SRRM2: variants seen among roughly 807,000 people sequenced by gnomAD.
SRRM2 encodes serine/arginine repetitive matrix protein 2.
In SRRM2, 30 loss-of-function variants were observed where a neutral mutation model predicts 213.8. The ratio of observed to expected loss-of-function variants is 0.14; its 90% CI spans 0.10 to 0.19. The LOEUF (loss-of-function observed/expected upper bound fraction) is 0.19, where lower values mean the gene tolerates loss of function less well. Ranked by LOEUF, SRRM2 falls within the 10% of genes least tolerant of loss-of-function variation. SRRM2 has a pLI of 1.00. For missense variants in SRRM2, 4,904 were observed against 3,647.0 expected (o/e 1.34, Z -8.88); for synonymous variants, 2,025 against 1,377.7 (o/e 1.47, Z -10.40).
In SRRM2 at chr16:2,758,708, C is replaced by T. The variant is rs1051175623; in HGVS notation, c.593+161C>T. The T allele has an allele frequency of 4.1e-5, 29 of 702,690 alleles. No homozygotes were observed. In the South Asian group the frequency reaches 5.3e-4, roughly 13 times the overall value. The allele number at this position is 702,690 out of a possible 1,614,324, so 43.5% of individuals were successfully genotyped here. A position where few individuals can be genotyped will look rare whatever the true frequency, so the allele number is the denominator to read the frequency against. On this transcript the variant is annotated intron_variant, in intron 5 of 14. Transcript: ENST00000301740. ...TCAACTAGAAGAAATACCTGAGTTT[C>T]TCAGTGGGGAAGTGTTGAGTTTGCA... is the stretch of plus-strand genomic sequence containing the variant.
rs2068554936 is a variant in SRRM2 at position 2,766,647 on chromosome 16, A to G, written c.6119A>G (p.Lys2040Arg). 2 of 1,611,838 alleles carry G rather than the reference A, an allele frequency of 1.2e-6. No homozygotes were observed. Among genetic ancestry groups the G allele is most frequent in the Admixed American group, 1.7e-5 (1 of 59,784 alleles). The change falls in exon 11 of 15, where the codon AAA becomes AGA. Residue 2040 changes from lysine to arginine, a missense_variant. By Grantham distance (26) the Lys-to-Arg change is conservative (BLOSUM62 2). Coordinates refer to ENST00000301740, the MANE Select transcript of SRRM2 (RefSeq NM_016333.4). The surrounding 1 kb of genome is among the most constrained non-coding windows in gnomAD (Gnocchi z 7.0). ...SRSRTPLLPRKRSRSRSPLAI... is the reference protein window; with the variant it reads ...SRSRTPLLPRRRSRSRSPLAI... ...TCTCGAACGCCACTGTTACCACGCA[A>G]ACGTTCTCGAAGTCGCTCACCACTT... is the stretch of plus-strand genomic sequence containing the variant.
At position 2,764,708 on chromosome 16, in the gene SRRM2, G is replaced by A; in HGVS notation, c.4180G>A (p.Ala1394Thr). Residue 1394 changes from alanine to threonine, a missense_variant, in exon 11 of 15, where the codon GCA (alanine) becomes ACA (threonine). By Grantham distance (58) the Ala-to-Thr change is moderately conservative (BLOSUM62 0). Coordinates refer to ENST00000301740, the MANE Select transcript of SRRM2 (RefSeq NM_016333.4). ...SELSPDAVEK[A>T]GMSSNQSISS... ...GTTATCCCCAGATGCAGTGGAAAAG[G>A]CAGGGATGTCTTCAAATCAGAGCAT... is the stretch of plus-strand genomic sequence containing the variant. The A allele has an allele frequency of 6.2e-7, 1 of 1,614,078 alleles. No individual in the cohort carries two copies. Among genetic ancestry groups the A allele is most frequent in the Non-Finnish European group, 8.5e-7 (1 of 1,180,030 alleles).
chr16:2,768,952 G>A, intron 11 of SRRM2, 45 bp from the exon 12 acceptor site: 4 of 1,605,208 alleles, frequency 2.5e-6, no homozygotes, highest in Non-Finnish European at 3.4e-6. Flanking sequence ...GTAGGGTTGG[G>A]GCTGGGGCAG....
chr16:2,753,672 CAG>C (rs2068029220), intron 1 of SRRM2: 1 of 152,220 alleles, frequency 6.6e-6, no homozygotes, highest in African/African-American at 2.4e-5. Context: ...CTTTGGCACA[CAG>C]CTCTTCTGAA....
chr16:2,769,480 C>T (rs1596295947), intron 12 of SRRM2, 196 bp downstream of exon 12: 12 of 658,120 alleles, frequency 1.8e-5, no homozygotes, highest in South Asian at 1.5e-4. Flanking sequence ...TCCACAGCGG[C>T]GCTCAGGCCA....
At position 2,767,683 on chromosome 16, in the gene SRRM2, G is replaced by T. The variant is rs143051290; in HGVS notation, c.7155G>T (p.Val2385=). ...GTGCAAACCTCACCAGCCCCAGGGT[G>T]CCCCTTTCTGCCTACGAGCGTGTCA... ...LSGANLTSPR[V]PLSAYERVSG... The change falls in exon 11 of 15, where the codon GTG becomes GTT. Residue 2385 remains valine, a synonymous_variant. Transcript: ENST00000301740. 1.0e-4 allele frequency: 161 copies of T among 1,613,980 alleles called. 1 individual carries two copies. The African/African-American group carries it at 1.9e-3, about 19-fold the overall frequency.
chr16:2,759,975 C>A, intron 9 of SRRM2: 1 of 524,968 alleles, frequency 1.9e-6, no homozygotes, highest in Non-Finnish European at 3.4e-6. Context: ...CTTCCTTAAT[C>A]GGGGAAGGCT....
At chr16:2,769,366 G>T (rs1339721102) in intron 12 of SRRM2, 82 bp downstream of exon 12, 18 of 1,450,562 alleles carry the variant, frequency 1.2e-5, no homozygotes, top group Non-Finnish European at 1.7e-5. Context: ...TGAGCTCCCC[G>T]CTGGGTGTCT....
rs1213864257 is a variant in SRRM2, at chr16:2,760,381, A to T, written c.914A>T (p.Glu305Val). The change falls in exon 10 of 15, where the codon GAG (glutamate) becomes GTG (valine). Residue 305 changes from glutamate (E) to valine (V), a missense_variant. Glu to Val is a moderately radical substitution (Grantham distance 121). Coordinates refer to ENST00000301740, the MANE Select transcript of SRRM2 (RefSeq NM_016333.4). ...SPSPASGRRG[E>V]GDAPFSEPGT... ...TCCCCTGCTTCAGGGCGACGCGGGG[A>T]GGGAGATGCGCCTTTCAGTGAACCA... The T allele has an allele frequency of 6.2e-7, 1 of 1,613,916 alleles. No individual in the cohort carries two copies. The highest frequency in any genetic ancestry group is 2.2e-5 in the East Asian group (1 of 44,886).
Position 2,766,201 on chromosome 16 carries a change from A to C in SRRM2, c.5673A>C (p.Arg1891=). 6.2e-7 allele frequency: 1 copy of C among 1,614,058 alleles called. No individual in the cohort carries two copies. The highest frequency in any genetic ancestry group is 8.5e-7 in the Non-Finnish European group (1 of 1,180,006). ...PLISRRRSRS[R]TSPVSRRRSR... ...TAAGCCGACGTAGGTCCAGATCTCG[A>C]ACTTCACCAGTCAGCCGGAGACGGT... Residue 1891 remains arginine (R), a synonymous_variant, in exon 11 of 15, where the codon CGA becomes CGC. Transcript: ENST00000301740. The surrounding 1 kb of genome is among the most constrained non-coding windows in gnomAD (Gnocchi z 7.0).
chr16:2,753,205 G>A (rs1444129890), intron 1 of SRRM2, among the ~76,000 whole-genome samples: 3 of 152,018 alleles, frequency 2.0e-5, no homozygotes, highest in Admixed American at 6.5e-5. Flanking sequence ...CTTAAGTGGC[G>A]GGGAAGGGGC....
rs577761441 is a variant in SRRM2, at chr16:2,756,497, C to T, written c.133C>T (p.Leu45=). 2.8e-5 allele frequency: 45 copies of T among 1,614,030 alleles called. No homozygotes were observed. Among genetic ancestry groups the T allele is most frequent in the Non-Finnish European group, 3.7e-5 (44 of 1,179,968 alleles). ...CAAGGGAGAGGAGGAACTGCGGCGCCTGGAGGCTGCCCTGGTGAAGCGGCC... is the reference window on the plus strand; with the variant it reads ...CAAGGGAGAGGAGGAACTGCGGCGCTTGGAGGCTGCCCTGGTGAAGCGGCC... ...DYKGEEELRR[L]EAALVKRPNP... The change falls in exon 2 of 15, where the codon CTG becomes TTG. Residue 45 remains leucine, a synonymous_variant. Transcript: ENST00000301740.
At chr16:2,770,080 CA>C in intron 12 of SRRM2, 1 of 1,284,394 alleles carries the variant, frequency 7.8e-7, no homozygotes, top group Non-Finnish European at 1.0e-6. Flanking sequence ...GCTTCCCACA[CA>C]CGGGGCCGTG....
chr16:2,756,216 C>T, intron 1 of SRRM2, 118 bp from the exon 2 acceptor site: 2 of 990,176 alleles, frequency 2.0e-6, no homozygotes. Context: ...ACAGCGAAGA[C>T]TTAGTGTGAA....
At chr16:2,758,251 C>T (rs745891933) in intron 4 of SRRM2, among the ~76,000 whole-genome samples, 2 of 152,170 alleles carry the variant, frequency 1.3e-5, no homozygotes, top group Admixed American at 1.3e-4. Flanking sequence ...GCCTGTAGTC[C>T]AGGCTGCTTG....
At chr16:2,770,558 C>T (rs1230465262) in intron 13 of SRRM2, 46 bp from the exon 14 acceptor site, 14 of 1,551,372 alleles carry the variant, frequency 9.0e-6, no homozygotes, top group East Asian at 2.4e-5. Flanking sequence ...TATGTGGTGC[C>T]TGAGGTGGTG....
At position 2,764,172 on chromosome 16, in the gene SRRM2, G is replaced by A; in HGVS notation, c.3644G>A (p.Gly1215Asp). The change falls in exon 11 of 15, where the codon GGT (glycine) becomes GAT (aspartate). Residue 1215 changes from glycine to aspartate, a missense_variant. Physicochemically the swap from Gly to Asp is moderately conservative, Grantham distance 94. Transcript: ENST00000301740. ...AGAACCCCGCCAAGGGAAAGAAGTG[G>A]TGCTGGGTCATCTCCAGAAACAAAA... is the stretch of plus-strand genomic sequence containing the variant. ...TLRTPPRERSGAGSSPETKEQ... is the reference protein window; with the variant it reads ...TLRTPPRERSDAGSSPETKEQ... 6.2e-7 allele frequency: 1 copy of A among 1,614,230 alleles called. No individual in the cohort carries two copies. The highest frequency in any genetic ancestry group is 8.5e-7 in the Non-Finnish European group (1 of 1,180,036).
rs2067961114 is a variant in SRRM2, at chr16:2,752,648, G to A, written c.-230G>A. On this transcript the variant is annotated 5_prime_UTR_variant, in exon 1 of 15. Coordinates refer to ENST00000301740, the MANE Select transcript of SRRM2 (RefSeq NM_016333.4). Reference sequence around the variant, plus strand: ...CGCACGCAGTTAGTCGTGCTGACGTGCAGCGCGGCCCAGGCGGGGTGCGAG... The same window carrying A: ...CGCACGCAGTTAGTCGTGCTGACGTACAGCGCGGCCCAGGCGGGGTGCGAG... 1 of 244,530 alleles carries A rather than the reference G, an allele frequency of 4.1e-6. No homozygotes were observed. The highest frequency in any genetic ancestry group is 8.4e-6 in the Non-Finnish European group (1 of 119,552). The allele number at this position is 244,530 out of a possible 1,614,324, so 15.1% of individuals were successfully genotyped here.
chr16:2,762,261 C>T lies in SRRM2; in HGVS notation c.1733C>T (p.Pro578Leu), dbSNP rs1192369223. The change falls in exon 11 of 15, where the codon CCA (proline) becomes CTA (leucine). Residue 578 changes from proline (P) to leucine (L), a missense_variant. Transcript: ENST00000301740. ...ATRGRSRSRTPARRGRSRSRT... is the reference protein window; with the variant it reads ...ATRGRSRSRTLARRGRSRSRT... ...AGGGGTAGATCTCGTTCTAGAACAC[C>T]AGCCCGCCGGGGCAGGTCCCGCTCT... 1.9e-6 allele frequency: 3 copies of T among 1,605,552 alleles called. No individual in the cohort carries two copies. Among genetic ancestry groups the T allele is most frequent in the Non-Finnish European group, 2.5e-6 (3 of 1,177,246 alleles).
Sources: gnomAD v4.1 joint callset for allele counts (sites outside exome capture counted in the v4.1 genomes callset) on GRCh38, gnomAD v4.1.1 for gene constraint, Gnocchi (gnomAD v3.1) non-coding constraint, MANE v1.5 for transcripts, NCBI Gene and HGNC (gene_info 2026-07-23, HGNC 2026-07-21) for gene names.